Variants in ZSCAN5A observed in about 807,000 individuals in gnomAD.
The protein encoded by ZSCAN5A is zinc finger and SCAN domain-containing protein 5A.
Under a neutral mutation model 23.7 loss-of-function variants are expected in ZSCAN5A, and 12 were observed. The ratio of observed to expected loss-of-function variants is 0.51; its 90% CI spans 0.32 to 0.82. ZSCAN5A has a LOEUF of 0.82. Among genes scored for constraint, ZSCAN5A ranks in the 40% least tolerant of loss-of-function variants. ZSCAN5A has a pLI of 0.03. For synonymous variants in ZSCAN5A, 257 were observed against 239.9 expected, an observed-to-expected ratio of 1.07 and a Z score of -0.66; for missense variants, 597 against 617.9, an observed-to-expected ratio of 0.97 and a Z score of 0.36.
intron 2 of ZSCAN5A, among the ~76,000 whole-genome samples, chr19:56,257,296 G>A (rs1434354828): frequency 1.3e-5 from 2 of 152,188 alleles, no homozygotes; most frequent in Non-Finnish European, 2.9e-5. Context: ...CTGGAACCAG[G>A]TGACTGATCA....
chr19:56,284,106 GCTTCGT>G lies in ZSCAN5A; in HGVS notation c.-128+29171_-128+29176del. The G allele has an allele frequency of 3.1e-6, 3 of 965,586 alleles. No individual in the cohort carries two copies. In the South Asian group the frequency reaches 1.4e-4, roughly 46 times the overall value. The allele number at this position is 965,586 out of a possible 1,614,324, so 59.8% of individuals were successfully genotyped here. A position where few individuals can be genotyped will look rare whatever the true frequency, so the allele number is the denominator to read the frequency against. ...CCTCGTTTTTGGTTTTCTAATTATG[GCTTCGT>G]CTTTGTGACCTCTTGGGGACAACAT... On this transcript the variant is annotated intron_variant, in intron 2 of 5. Transcript: ENST00000683990.
intron 2 of ZSCAN5A, among the ~76,000 whole-genome samples, chr19:56,334,792 A>G (rs1263487966): frequency 6.6e-6 from 1 of 152,212 alleles, no homozygotes; most frequent in African/African-American, 2.4e-5. Context: ...TACTCATCCA[A>G]AGGTCAGCAA....
At chr19:56,225,318 A>G (rs896788027) in intron 2 of ZSCAN5A, 145 bp from the exon 3 acceptor site, 1 of 611,206 alleles carries the variant, frequency 1.6e-6, no homozygotes. Context: ...ACCTGACTAC[A>G]TACTCTGGTT....
chr19:56,362,619 T>C (rs1485623293), intron 2 of ZSCAN5A, among the ~76,000 whole-genome samples: 2 of 150,548 alleles, frequency 1.3e-5, no homozygotes, highest in Non-Finnish European at 3.0e-5. Context: ...CCTGTAATCC[T>C]AGCACTTTGG....
At chr19:56,314,988 T>G (rs1405766392), upstream of ZSCAN5A, 1 of 152,234 alleles carries the variant, frequency 6.6e-6, no homozygotes, top group Non-Finnish European at 1.5e-5. Context: ...CAAATAACAG[T>G]GAGTGAAAGC....
intron 2 of ZSCAN5A, among the ~76,000 whole-genome samples, chr19:56,264,001 G>A (rs1047748191): frequency 3.6e-5 from 5 of 139,970 alleles, no homozygotes; most frequent in Admixed American, 2.3e-4. Context: ...ATGGAATCTC[G>A]TTCTGTCACC....
Position 56,222,205 on chromosome 19 carries a change from G to C in ZSCAN5A, c.861C>G (p.Asn287Lys). ...VEREASTHSGNRGDALNLSSP... is the reference protein window; with the variant it reads ...VEREASTHSGKRGDALNLSSP... ...TGCTCAGATTCAGAGCGTCTCCTCTGTTCCCGCTGTGAGTCGAAGCTTCTC... is the reference window on the plus strand; with the variant it reads ...TGCTCAGATTCAGAGCGTCTCCTCTCTTCCCGCTGTGAGTCGAAGCTTCTC... Residue 287 changes from asparagine (N) to lysine (K), a missense_variant, in exon 6 of 6, where the codon AAC becomes AAG. By Grantham distance (94) the Asn-to-Lys change is moderately conservative. Coordinates refer to ENST00000683990, the MANE Select transcript of ZSCAN5A (RefSeq NM_001322064.3). 3 of 1,613,972 alleles carry C rather than the reference G, an allele frequency of 1.9e-6. No homozygotes were observed. Among genetic ancestry groups the C allele is most frequent in the Non-Finnish European group, 2.5e-6 (3 of 1,179,932 alleles).
rs369166936 is a variant in ZSCAN5A, at chr19:56,222,180, T to A, written c.886A>T (p.Ser296Cys). The change falls in exon 6 of 6, where the codon AGT becomes TGT. Residue 296 changes from serine (S) to cysteine (C), a missense_variant. This residue lies in a region of ZSCAN5A where 406 missense variants were observed against 353.2 expected (regional missense o/e 1.15). Transcript: ENST00000683990. ...GCATCTGGTTTGCTTCTTTTGGGACTGCTCAGATTCAGAGCGTCTCCTCTG... is the reference window on the plus strand; with the variant it reads ...GCATCTGGTTTGCTTCTTTTGGGACAGCTCAGATTCAGAGCGTCTCCTCTG... ...GNRGDALNLS[S>C]PKRSKPDASS... 8.1e-5 allele frequency: 131 copies of A among 1,614,012 alleles called. No homozygotes were observed. The African/African-American group carries it at 1.1e-3, about 13-fold the overall frequency.
intron 2 of ZSCAN5A, among the ~76,000 whole-genome samples, chr19:56,280,265 G>T (rs912564677): frequency 6.6e-6 from 1 of 152,140 alleles, no homozygotes; most frequent in African/African-American, 2.4e-5. Context: ...AGTTCATAAG[G>T]AGCATCCTCA....
chr19:56,344,670 G>C (rs532463896), intron 2 of ZSCAN5A, among the ~76,000 whole-genome samples: 2 of 151,076 alleles, frequency 1.3e-5, no homozygotes, highest in African/African-American at 4.9e-5. Flanking sequence ...TTGGGAGGCC[G>C]AGGCGGGTGG....
chr19:56,276,506 CTTTT>C lies in ZSCAN5A; in HGVS notation c.-128+36773_-128+36776del, dbSNP rs3059506. ...AAAATTATTAAGGATCTAAAGAGCT[CTTTT>C]TTTTTTTTTCCAGTGAGGGTTATTT... On this transcript the variant is annotated intron_variant, in intron 2 of 5. Transcript: ENST00000683990. 2.1e-5 allele frequency among the ~76,000 whole-genome samples: 3 copies of C among 139,736 alleles called. No homozygotes were observed. The Admixed American group carries it at 2.2e-4, about 10-fold the overall frequency. The allele number at this position is 139,736 out of a possible 152,430, so 91.7% of individuals were successfully genotyped here.
intron 2 of ZSCAN5A, among the ~76,000 whole-genome samples, chr19:56,249,675 G>A (rs1289440585): frequency 6.6e-6 from 1 of 152,136 alleles, no homozygotes; most frequent in East Asian, 1.9e-4. Flanking sequence ...CGGCACATTT[G>A]CCACAAGCGA....
intron 2 of ZSCAN5A, among the ~76,000 whole-genome samples, chr19:56,247,651 T>G (rs908086140): frequency 6.6e-6 from 1 of 152,150 alleles, no homozygotes; most frequent in Non-Finnish European, 1.5e-5. Context: ...TTAGGTCCAT[T>G]GTTTTCGTAC....
At chr19:56,294,524 T>C (rs924139902) in intron 2 of ZSCAN5A, among the ~76,000 whole-genome samples, 3 of 152,200 alleles carry the variant, frequency 2.0e-5, no homozygotes, top group Non-Finnish European at 2.9e-5. Flanking sequence ...CGCTAAATAG[T>C]AAACATCTTA....
intron 2 of ZSCAN5A, 50 bp from the exon 3 acceptor site, chr19:56,225,223 A>C (rs1004189227): frequency 4.7e-5 from 65 of 1,397,230 alleles, no homozygotes; most frequent in African/African-American, 1.0e-4. Context: ...TACTCCATCC[A>C]TCCCTCCCTT....
In ZSCAN5A at chr19:56,224,933, C is replaced by T; in HGVS notation, c.114G>A (p.Val38=). ...AGTTCACGTGAGAAATCTCAGGGTC[C>T]ACGTCGTGATTTCCAAGTTGAGTTT... ...SSETQLGNHD[V]DPEISHVNFR... The change falls in exon 3 of 6, where the codon GTG becomes GTA. Residue 38 remains valine, a synonymous_variant. Coordinates refer to ENST00000683990, the MANE Select transcript of ZSCAN5A (RefSeq NM_001322064.3). The T allele has an allele frequency of 6.2e-7, 1 of 1,614,176 alleles. No homozygotes were observed. Among genetic ancestry groups the T allele is most frequent in the Non-Finnish European group, 8.5e-7 (1 of 1,180,044 alleles).
chr19:56,321,393 A>C, intron 2 of ZSCAN5A: 1 of 648,274 alleles, frequency 1.5e-6, no homozygotes, highest in South Asian at 1.7e-5. Context: ...AGATAGCTGC[A>C]GCATCCTTAT....
chr19:56,336,070 G>A (rs1421049318), intron 2 of ZSCAN5A, among the ~76,000 whole-genome samples: 221 of 135,280 alleles, frequency 1.6e-3, no homozygotes, highest in Admixed American at 2.6e-3. Flanking sequence ...TCTTGGAGTT[G>A]CTCTTCTCAA....
At chr19:56,296,547 T>G (rs2039888701) in intron 2 of ZSCAN5A, 1 of 152,042 alleles carries the variant, frequency 6.6e-6, no homozygotes, top group South Asian at 2.1e-4. Flanking sequence ...TGATGTTAGC[T>G]CTCCTGTACC....
Sources: gnomAD v4.1 joint callset for allele counts (sites outside exome capture counted in the v4.1 genomes callset) on GRCh38, gnomAD v4.1.1 for gene constraint, gnomAD v4.1.1 regional missense constraint, MANE v1.5 for transcripts, NCBI Gene and HGNC (gene_info 2026-07-23, HGNC 2026-07-21) for gene names.